UBE2V1: variants seen among roughly 807,000 people sequenced by gnomAD.
The protein encoded by UBE2V1 is ubiquitin-conjugating enzyme E2 variant 1.
Under a neutral mutation model 19.6 loss-of-function variants are expected in UBE2V1, and 15 were observed. That is an observed-to-expected ratio of 0.77 (90% CI 0.51 to 1.18). The LOEUF (loss-of-function observed/expected upper bound fraction) is 1.18, where lower values mean the gene tolerates loss of function less well. Ranked by LOEUF, UBE2V1 falls within the 50% of genes most tolerant of loss-of-function variation. The pLI, the probability that UBE2V1 is intolerant of heterozygous loss-of-function variation, is 0.00. For missense variants in UBE2V1, 125 were observed against 184.8 expected, an observed-to-expected ratio of 0.68 and a Z score of 1.88; for synonymous variants, 60 against 60.7, an observed-to-expected ratio of 0.99 and a Z score of 0.05.
intron 2 of UBE2V1, among the ~76,000 whole-genome samples, chr20:50,091,073 G>A (rs1203585358): frequency 6.6e-6 from 1 of 152,068 alleles, no homozygotes; most frequent in African/African-American, 2.4e-5. Flanking sequence ...TGAGACAAGA[G>A]TCTCACTCTG....
Position 50,113,121 on chromosome 20 carries a change from G to T in UBE2V1, c.8C>A (p.Ala3Asp), listed in dbSNP as rs779357400. The change falls in exon 1 of 4, where the codon GCC becomes GAC. Residue 3 changes from alanine to aspartate, a missense_variant. Around this residue, in one of 3 missense-constraint regions of UBE2V1, gnomAD observed 28 missense variants for 22.5 expected, o/e 1.25. Transcript: ENST00000371674. Reference protein sequence around the residue: MAATTGSGVKVPR... With the variant: MADTTGSGVKVPR... Reference sequence around the variant, plus strand: ...CCCCCGCTCACCCGAGCCCGTGGTGGCTGCCATCTTGCGTCGCTCTTGCTT... The same window carrying T: ...CCCCCGCTCACCCGAGCCCGTGGTGTCTGCCATCTTGCGTCGCTCTTGCTT... The T allele has an allele frequency of 2.2e-6, 3 of 1,369,304 alleles. No individual in the cohort carries two copies. Among genetic ancestry groups the T allele is most frequent in the Non-Finnish European group, 2.9e-6 (3 of 1,045,334 alleles). 84.8% of individuals were successfully genotyped at this position (1,369,304 alleles called of 1,614,324 possible). A position where few individuals can be genotyped will look rare whatever the true frequency, so the allele number is the denominator to read the frequency against.
At chr20:50,112,874 G>T (rs1160157342) in intron 1 of UBE2V1, among the ~76,000 whole-genome samples, 1 of 152,032 alleles carries the variant, frequency 6.6e-6, no homozygotes, top group Non-Finnish European at 1.5e-5. Flanking sequence ...CGCCTCCCGG[G>T]GGAGCCTCAG....
intron 1 of UBE2V1, 30 bp from the exon 2 acceptor site, chr20:50,096,850 C>A (rs1174243340): frequency 1.2e-6 from 2 of 1,612,710 alleles, no homozygotes; most frequent in Non-Finnish European, 1.7e-6. Flanking sequence ...ATTCAAGATA[C>A]CAGCAACTCC....
chr20:50,091,071 G>C (rs544831955), intron 2 of UBE2V1, among the ~76,000 whole-genome samples: 5 of 152,152 alleles, frequency 3.3e-5, no homozygotes, highest in Admixed American at 2.0e-4. Context: ...TTTGAGACAA[G>C]AGTCTCACTC....
At chr20:50,099,251 C>T (rs970072374) in intron 1 of UBE2V1, among the ~76,000 whole-genome samples, 3 of 152,140 alleles carry the variant, frequency 2.0e-5, no homozygotes, top group East Asian at 3.8e-4. Context: ...TACTTAAGTC[C>T]TAACTCCCAG....
At chr20:50,087,154 G>C (rs367628162) in intron 2 of UBE2V1, among the ~76,000 whole-genome samples, 2 of 151,966 alleles carry the variant, frequency 1.3e-5, no homozygotes, top group Admixed American at 6.6e-5. Flanking sequence ...TCGGCATCTG[G>C]GGGGGCCGAG....
upstream of UBE2V1, chr20:50,115,597 T>C (rs1380924512): frequency 2.1e-5 from 32 of 1,490,410 alleles, no homozygotes; most frequent in Non-Finnish European, 2.7e-5. Context: ...TCTATGAGGA[T>C]AGTAGTATCA....
At chr20:50,086,866 A>C (rs374154665) in intron 2 of UBE2V1, among the ~76,000 whole-genome samples, 2 of 152,232 alleles carry the variant, frequency 1.3e-5, no homozygotes, top group Admixed American at 6.5e-5. Context: ...TCACAAGGTC[A>C]GTAGATCGAG....
intron 2 of UBE2V1, chr20:50,096,417 T>A: frequency 1.2e-6 from 1 of 827,110 alleles, no homozygotes; most frequent in Admixed American, 2.8e-5. Context: ...GTGCAATGAC[T>A]TCACACCTCA....
intron 1 of UBE2V1, among the ~76,000 whole-genome samples, chr20:50,097,938 C>T (rs1049576260): frequency 6.6e-6 from 1 of 152,124 alleles, no homozygotes; most frequent in Admixed American, 6.6e-5. Context: ...TAGTATACAT[C>T]GGGGACTTTT....
chr20:50,109,245 T>C (rs543197975), intron 1 of UBE2V1: 2 of 616,738 alleles, frequency 3.2e-6, no homozygotes, highest in African/African-American at 4.0e-5. Flanking sequence ...AACTTCACTG[T>C]GCCCCTTCAA....
intron 1 of UBE2V1, among the ~76,000 whole-genome samples, chr20:50,104,655 C>CA (rs113771532): frequency 0.029 from 2,050 of 71,560 alleles, 134 homozygotes; most frequent in African/African-American, 0.074. Context: ...GACTCTGGCA[C>CA]AAAAAAAAAA....
chr20:50,104,337 C>G, intron 1 of UBE2V1: 1 of 982,580 alleles, frequency 1.0e-6, no homozygotes, highest in Non-Finnish European at 1.2e-6. Context: ...CTACTGGGTC[C>G]AAAATATTGG....
intron 1 of UBE2V1, among the ~76,000 whole-genome samples, chr20:50,104,932 G>T (rs1395062839): frequency 6.6e-6 from 1 of 151,994 alleles, no homozygotes; most frequent in African/African-American, 2.4e-5. Flanking sequence ...TCACCATGTT[G>T]GCCAGGCTGG....
At chr20:50,083,267 C>G (rs1439642201) in intron 3 of UBE2V1, among the ~76,000 whole-genome samples, 1 of 152,214 alleles carries the variant, frequency 6.6e-6, no homozygotes, top group Non-Finnish European at 1.5e-5. Context: ...GTCAGGGGGA[C>G]AGATGTGCAT....
chr20:50,108,432 G>A (rs569334042), intron 1 of UBE2V1, among the ~76,000 whole-genome samples: 1 of 152,162 alleles, frequency 6.6e-6, no homozygotes, highest in African/African-American at 2.4e-5. Flanking sequence ...AGATGCTTGC[G>A]AGGCCTACCT....
At chr20:50,113,221 A>T (rs1796659676), upstream of UBE2V1, 10 of 1,044,938 alleles carry the variant, frequency 9.6e-6, no homozygotes, top group Non-Finnish European at 1.1e-5. Context: ...GCACGCACAT[A>T]CGCCGCCGCT....
intron 1 of UBE2V1, among the ~76,000 whole-genome samples, chr20:50,101,810 T>C (rs954020704): frequency 2.0e-5 from 3 of 152,102 alleles, no homozygotes; most frequent in Admixed American, 2.0e-4. Flanking sequence ...GTCTAAGGTG[T>C]CAGTGTGGAA....
intron 1 of UBE2V1, among the ~76,000 whole-genome samples, chr20:50,102,896 G>A (rs2080096788): frequency 6.6e-6 from 1 of 152,146 alleles, no homozygotes. Context: ...TTCTGAAGAG[G>A]CATCCTTACA....
Sources: allele counts gnomAD v4.1 joint callset (sites outside exome capture counted in the v4.1 genomes callset), GRCh38; gene constraint gnomAD v4.1.1; regional missense constraint gnomAD v4.1.1; transcripts MANE v1.5; gene names NCBI Gene and HGNC (gene_info 2026-07-23, HGNC 2026-07-21).